SDC2: variants seen among roughly 807,000 people sequenced by gnomAD.
The protein encoded by SDC2 is syndecan-2.
SDC2 carries 13 observed loss-of-function variants against 22.2 expected under a neutral mutation model. The ratio of observed to expected loss-of-function variants is 0.59; its 90% CI spans 0.38 to 0.93. SDC2 has a LOEUF of 0.93. Among genes scored for constraint, SDC2 ranks in the 40% least tolerant of loss-of-function variants. SDC2 has a pLI of 0.00. For missense variants in SDC2, 235 were observed against 246.8 expected (o/e 0.95, Z 0.32); for synonymous variants, 94 against 92.8 (o/e 1.01, Z -0.07).
rs540320144 is a variant in SDC2 at position 96,599,622 on chromosome 8, C to T, written c.173-2773C>T. 2.0e-5 allele frequency among the ~76,000 whole-genome samples: 3 copies of T among 152,200 alleles called. No homozygotes were observed. The South Asian group carries it at 6.2e-4, about 32-fold the overall frequency. ...TGTATCTGTGATATATATGTACCTT[C>T]GTGGGTTAGTTATTATTAGCCCCAT... On this transcript the variant is annotated intron_variant, in intron 2 of 4. Transcript: ENST00000302190.
chr8:96,503,360 C>CA, intron 1 of SDC2, among the ~76,000 whole-genome samples: 1 of 152,052 alleles, frequency 6.6e-6, no homozygotes, highest in South Asian at 2.1e-4. Flanking sequence ...ATCATGTGGC[C>CA]ATTAAAGATT....
In SDC2 at chr8:96,540,357, A is replaced by ATATAT. The variant is rs1220674689; in HGVS notation, c.60+46026_60+46027insTATAT. Among the ~76,000 whole-genome samples the ATATAT allele has an allele frequency of 5.8e-3, 480 of 82,164 alleles. 7 individuals carry two copies. In the East Asian group the frequency reaches 0.075, roughly 13 times the overall value. The allele number at this position is 82,164 out of a possible 152,430, so 53.9% of individuals were successfully genotyped here. ...ATATATGTGTATATATATATATATA[A>ATATAT]AAATTAGTCGGGTGTGGCAGTGTTT... On this transcript the variant is annotated intron_variant, in intron 1 of 4. Coordinates refer to ENST00000302190, the MANE Select transcript of SDC2 (RefSeq NM_002998.4).
At chr8:96,594,156 T>C (rs1431194909) in intron 2 of SDC2, among the ~76,000 whole-genome samples, 2 of 152,208 alleles carry the variant, frequency 1.3e-5, no homozygotes, top group East Asian at 1.9e-4. Context: ...TTAATAGTTA[T>C]CTGTTACCAC....
intron 2 of SDC2, 114 bp from the exon 3 acceptor site, chr8:96,602,281 A>T: frequency 9.1e-7 from 1 of 1,095,190 alleles, no homozygotes; most frequent in Non-Finnish European, 1.3e-6. Context: ...TTAAAGAGCC[A>T]GCATTTTGAA....
intron 1 of SDC2, among the ~76,000 whole-genome samples, chr8:96,506,556 A>G (rs1303170409): frequency 6.6e-6 from 1 of 152,130 alleles, no homozygotes; most frequent in Non-Finnish European, 1.5e-5. Flanking sequence ...GGCTCACTGC[A>G]ACCTCGATCT....
At chr8:96,607,682 G>A (rs779384272) in intron 3 of SDC2, among the ~76,000 whole-genome samples, 35 of 152,078 alleles carry the variant, frequency 2.3e-4, no homozygotes, top group Non-Finnish European at 4.0e-4. Flanking sequence ...TGCAGTGTCC[G>A]AGACCCAGTG....
intron 1 of SDC2, among the ~76,000 whole-genome samples, chr8:96,542,655 C>T (rs1159551206): frequency 6.6e-6 from 1 of 152,026 alleles, no homozygotes; most frequent in Non-Finnish European, 1.5e-5. Context: ...CAGCTTCCCC[C>T]CGAGAAGACA....
intron 1 of SDC2, among the ~76,000 whole-genome samples, chr8:96,568,016 T>C (rs1192251984): frequency 2.6e-5 from 4 of 152,246 alleles, no homozygotes; most frequent in Non-Finnish European, 5.9e-5. Context: ...TGCTTTTGTA[T>C]AGAGGCATAA....
chr8:96,534,498 G>A (rs1422324798), intron 1 of SDC2, among the ~76,000 whole-genome samples: 2 of 152,086 alleles, frequency 1.3e-5, no homozygotes, highest in Non-Finnish European at 1.5e-5. Flanking sequence ...ACAGTGATGC[G>A]ATGATAACTC....
intron 2 of SDC2, among the ~76,000 whole-genome samples, chr8:96,600,003 T>C (rs957512695): frequency 1.3e-5 from 2 of 152,068 alleles, no homozygotes; most frequent in African/African-American, 4.8e-5. Context: ...TAATTTTTTT[T>C]TTAATATTAG....
rs116773616 is a variant in SDC2, at chr8:96,523,275, C to T, written c.60+28944C>T. 5.7e-3 allele frequency among the ~76,000 whole-genome samples: 864 copies of T among 152,304 alleles called. 12 individuals carry two copies. The highest frequency in any genetic ancestry group is 0.02 in the African/African-American group (827 of 41,570). ...ATTTGGTGGTGTTTTGCTGCTTAAGCTAAACCACGAAGTTAAACTTTTGTA... is the reference window on the plus strand; with the variant it reads ...ATTTGGTGGTGTTTTGCTGCTTAAGTTAAACCACGAAGTTAAACTTTTGTA... On this transcript the variant is annotated intron_variant, in intron 1 of 4. Coordinates refer to ENST00000302190, the MANE Select transcript of SDC2 (RefSeq NM_002998.4).
intron 1 of SDC2, among the ~76,000 whole-genome samples, chr8:96,524,634 T>C (rs1813550056): frequency 6.6e-6 from 1 of 151,608 alleles, no homozygotes; most frequent in Admixed American, 6.5e-5. Flanking sequence ...CCCCCACTGC[T>C]ACCTGGGGTT....
intron 1 of SDC2, among the ~76,000 whole-genome samples, chr8:96,517,591 T>C (rs938632266): frequency 6.6e-6 from 1 of 152,198 alleles, no homozygotes; most frequent in Non-Finnish European, 1.5e-5. Context: ...GAAAGTCTTA[T>C]TCTTTCCCCG....
At chr8:96,500,646 A>G (rs1475529419) in intron 1 of SDC2, among the ~76,000 whole-genome samples, 2 of 131,986 alleles carry the variant, frequency 1.5e-5, no homozygotes, top group African/African-American at 3.0e-5. Context: ...TGGGCGACAG[A>G]GTGAGACTCC....
intron 1 of SDC2, among the ~76,000 whole-genome samples, chr8:96,499,677 G>A (rs1813130546): frequency 6.6e-6 from 1 of 152,074 alleles, no homozygotes; most frequent in Non-Finnish European, 1.5e-5. Flanking sequence ...CATGACTGTT[G>A]TGAAGATGAA....
rs141817245 is a variant in SDC2, at chr8:96,498,884, T to C, written c.60+4553T>C. On this transcript the variant is annotated intron_variant, in intron 1 of 4. Coordinates refer to ENST00000302190, the MANE Select transcript of SDC2 (RefSeq NM_002998.4). ...TTTCTTCCTTGGGGGCATGCCAGCT[T>C]GTGCTTCTATGTCAGTAGCCTTGTA... Among the ~76,000 whole-genome samples, 1,493 of 152,360 alleles carry C rather than the reference T, an allele frequency of 9.8e-3. 11 individuals are homozygous for C. The highest frequency in any genetic ancestry group is 0.042 in the South Asian group (205 of 4,828).
intron 1 of SDC2, among the ~76,000 whole-genome samples, chr8:96,509,274 C>T (rs2582818): frequency 0.099 from 14,020 of 141,494 alleles, 2,577 homozygotes; most frequent in African/African-American, 0.2. Context: ...TAAGAGTGCG[C>T]AGGATAGAGC....
chr8:96,551,838 C>T (rs559423041), intron 1 of SDC2, among the ~76,000 whole-genome samples: 2 of 152,284 alleles, frequency 1.3e-5, no homozygotes, highest in East Asian at 1.9e-4. Flanking sequence ...TCCCATTACC[C>T]TTTTCTTGGA....
In SDC2 at chr8:96,509,004, T is replaced by C. The variant is rs562870004; in HGVS notation, c.60+14673T>C. ...GGCCTAATCTTCCAGGTCACTGATATTCTGATTTCTTTACCAACTTTTAGC... is the reference window on the plus strand; with the variant it reads ...GGCCTAATCTTCCAGGTCACTGATACTCTGATTTCTTTACCAACTTTTAGC... On this transcript the variant is annotated intron_variant, in intron 1 of 4. Transcript: ENST00000302190. Among the ~76,000 whole-genome samples the C allele has an allele frequency of 2.1e-5, 3 of 142,436 alleles. 1 individual carries two copies. Among genetic ancestry groups the C allele is most frequent in the Admixed American group, 7.0e-5 (1 of 14,334 alleles). The allele number at this position is 142,436 out of a possible 152,430, so 93.4% of individuals were successfully genotyped here.
Sources: gnomAD v4.1 joint callset for allele counts (sites outside exome capture counted in the v4.1 genomes callset) on GRCh38, gnomAD v4.1.1 for gene constraint, MANE v1.5 for transcripts, NCBI Gene and HGNC (gene_info 2026-07-23, HGNC 2026-07-21) for gene names.